Variants in PLCH1 observed in about 807,000 individuals in gnomAD.
The protein encoded by PLCH1 is phospholipase C eta 1.
PLCH1 carries 60 observed loss-of-function variants against 126.7 expected under a neutral mutation model. The observed-to-expected ratio is 0.47, with a 90% CI of 0.38 to 0.59. The LOEUF is 0.59. Ranked by LOEUF, PLCH1 falls within the 20% of genes least tolerant of loss-of-function variation. The pLI is 0.00. For synonymous variants in PLCH1, 719 were observed against 734.9 expected, an observed-to-expected ratio of 0.98 and a Z score of 0.35; for missense variants, 1,723 against 2,040.0, an observed-to-expected ratio of 0.84 and a Z score of 2.99.
rs75189690 is a variant in PLCH1 at position 155,685,853 on chromosome 3, C to A, written c.79+18293G>T. 9.9e-3 allele frequency among the ~76,000 whole-genome samples: 1,509 copies of A among 152,244 alleles called. 35 individuals carry two copies. The highest frequency in any genetic ancestry group is 0.034 in the African/African-American group (1,399 of 41,530). ...CAAAGCATTAAACCAAGCACAGGGC[C>A]CTTCTAAGTCACAAACACACAAGAG... On this transcript the variant is annotated intron_variant, in intron 2 of 22. Transcript: ENST00000460012.
At chr3:155,460,368 A>T (rs1243855603) in intron 21 of PLCH1, among the ~76,000 whole-genome samples, 2 of 152,080 alleles carry the variant, frequency 1.3e-5, no homozygotes, top group Admixed American at 1.3e-4. Context: ...CACCACCACC[A>T]TTGTCTTGTA....
chr3:155,514,689 T>C (rs753714480), intron 12 of PLCH1, 34 bp downstream of exon 12: 4 of 1,327,286 alleles, frequency 3.0e-6, no homozygotes, highest in African/African-American at 3.0e-5. Flanking sequence ...TTTTTTTTCC[T>C]GTTGAAGGAT....
chr3:155,595,537 A>G (rs966536413), intron 3 of PLCH1, among the ~76,000 whole-genome samples: 5 of 152,108 alleles, frequency 3.3e-5, no homozygotes, highest in African/African-American at 1.2e-4. Context: ...TCAGGCCTTC[A>G]ACCTTGGACT....
chr3:155,706,311 C>A (rs1746664897), intron 1 of PLCH1, among the ~76,000 whole-genome samples: 1 of 149,956 alleles, frequency 6.7e-6, no homozygotes, highest in African/African-American at 2.5e-5. Context: ...TTGGTGAAAC[C>A]GTGTCTCTAC....
intron 13 of PLCH1, among the ~76,000 whole-genome samples, chr3:155,501,232 A>G (rs1289689492): frequency 6.6e-6 from 1 of 152,176 alleles, no homozygotes; most frequent in Non-Finnish European, 1.5e-5. Flanking sequence ...TTAAAAAAAT[A>G]AATAACTACC....
At chr3:155,612,430 A>C (rs904636521) in intron 2 of PLCH1, among the ~76,000 whole-genome samples, 4 of 152,030 alleles carry the variant, frequency 2.6e-5, no homozygotes, top group Admixed American at 6.6e-5. Context: ...CACCTCAAGG[A>C]ACTTGAGAAA....
At chr3:155,650,281 A>T (rs1740566269) in intron 2 of PLCH1, among the ~76,000 whole-genome samples, 1 of 152,228 alleles carries the variant, frequency 6.6e-6, no homozygotes, top group African/African-American at 2.4e-5. Flanking sequence ...ACAGGAAAAT[A>T]CCCAAACGAA....
intron 10 of PLCH1, among the ~76,000 whole-genome samples, chr3:155,538,160 A>C (rs142439582): frequency 1.8e-4 from 28 of 152,336 alleles, no homozygotes; most frequent in African/African-American, 6.0e-4. Flanking sequence ...TTGCGTCAAC[A>C]ATGAAATCAA....
chr3:155,653,953 A>G (rs1013829860), intron 2 of PLCH1, among the ~76,000 whole-genome samples: 3 of 151,628 alleles, frequency 2.0e-5, no homozygotes, highest in Non-Finnish European at 4.4e-5. Flanking sequence ...GAAAAACTCA[A>G]AAAAAATTGT....
intron 11 of PLCH1, among the ~76,000 whole-genome samples, chr3:155,519,254 C>G (rs966644870): frequency 6.6e-6 from 1 of 152,152 alleles, no homozygotes; most frequent in Non-Finnish European, 1.5e-5. Context: ...GTATCTTGCT[C>G]TTTTGTTCTC....
chr3:155,540,863 T>C (rs1023386164), intron 10 of PLCH1, among the ~76,000 whole-genome samples: 3 of 152,064 alleles, frequency 2.0e-5, no homozygotes, highest in African/African-American at 7.2e-5. Flanking sequence ...GTAAATATTT[T>C]CCTCTTGGTA....
intron 2 of PLCH1, among the ~76,000 whole-genome samples, chr3:155,659,331 TTTTTTTTTTTTTC>T (rs1741836088): frequency 1.0e-5 from 1 of 99,376 alleles, no homozygotes; most frequent in South Asian, 4.5e-4. Flanking sequence ...TTTTTTTTTT[TTTTTTTTTTTTTC>T]CGAGATAGGG....
At chr3:155,731,025 A>G (rs1748731853) in intron 1 of PLCH1, among the ~76,000 whole-genome samples, 1 of 152,190 alleles carries the variant, frequency 6.6e-6, no homozygotes, top group Admixed American at 6.5e-5. Flanking sequence ...GCCAGATCCC[A>G]CAGCCCTAGG....
At chr3:155,564,828 G>C in intron 8 of PLCH1, 87 bp downstream of exon 8, 1 of 789,928 alleles carries the variant, frequency 1.3e-6, no homozygotes, top group Non-Finnish European at 2.2e-6. Flanking sequence ...GTGTGTTTTA[G>C]GTCTCCATTC....
chr3:155,494,074 G>A, intron 17 of PLCH1, 67 bp downstream of exon 17: 1 of 1,223,502 alleles, frequency 8.2e-7, no homozygotes, highest in Non-Finnish European at 1.2e-6. Context: ...CCTTAATAAA[G>A]GTTGCCTGCA....
intron 21 of PLCH1, among the ~76,000 whole-genome samples, chr3:155,456,315 A>G (rs1712439274): frequency 6.7e-6 from 1 of 148,488 alleles, no homozygotes; most frequent in South Asian, 2.2e-4. Context: ...ATACACTAAC[A>G]CTAATGATAG....
chr3:155,664,349 A>G (rs951896532), intron 2 of PLCH1, among the ~76,000 whole-genome samples: 2 of 152,202 alleles, frequency 1.3e-5, no homozygotes, highest in African/African-American at 2.4e-5. Flanking sequence ...TTCGGTCAAG[A>G]CTCCCTGAGC....
At chr3:155,596,400 A>G in intron 2 of PLCH1, 22 bp from the exon 3 acceptor site, 1 of 1,604,384 alleles carries the variant, frequency 6.2e-7, no homozygotes, top group Non-Finnish European at 8.5e-7. Flanking sequence ...ATTAGAGTGT[A>G]TCCAGCTATC....
At position 155,677,870 on chromosome 3, in the gene PLCH1, A is replaced by G. The variant is rs149827597; in HGVS notation, c.79+26276T>C. The stretch of plus-strand genomic sequence containing the variant: ...AATACCCATTCCTGCTAAATAATCC[A>G]AGTATTTAATACTCCCAGATAATTT... On this transcript the variant is annotated intron_variant, in intron 2 of 22. Coordinates refer to ENST00000460012, the MANE Select transcript of PLCH1 (RefSeq NM_014996.4). 6.1e-3 allele frequency among the ~76,000 whole-genome samples: 927 copies of G among 152,324 alleles called. 12 individuals are homozygous for G. Among genetic ancestry groups the G allele is most frequent in the African/African-American group, 0.021 (871 of 41,564 alleles).
Sources: gnomAD v4.1 joint callset for allele counts (sites outside exome capture counted in the v4.1 genomes callset) on GRCh38, gnomAD v4.1.1 for gene constraint, MANE v1.5 for transcripts, NCBI Gene and HGNC (gene_info 2026-07-23, HGNC 2026-07-21) for gene names.